RFX3: variants seen among roughly 807,000 people sequenced by gnomAD.
The protein encoded by RFX3 is regulatory factor X3.
In RFX3, 14 loss-of-function variants were observed where a neutral mutation model predicts 98.6. The ratio of observed to expected loss-of-function variants is 0.14; its 90% confidence interval spans 0.09 to 0.22. The LOEUF (loss-of-function observed/expected upper bound fraction) is 0.22. Among genes scored for constraint, RFX3 ranks in the 10% least tolerant of loss-of-function variants. The pLI, the probability that RFX3 is intolerant of heterozygous loss-of-function variation, is 1.00. For missense variants in RFX3, 639 were observed against 926.9 expected, an observed-to-expected ratio of 0.69 and a Z score of 4.03; for synonymous variants, 383 against 328.4, an observed-to-expected ratio of 1.17 and a Z score of -1.80.
At chr9:3,275,924 G>A (rs1825151026) in intron 8 of RFX3, among the ~76,000 whole-genome samples, 1 of 151,842 alleles carries the variant, frequency 6.6e-6, no homozygotes, top group Non-Finnish European at 1.5e-5. Context: ...AAAATATCTC[G>A]AGCTTGCTAG....
chr9:3,275,684 T>A, intron 8 of RFX3, 72 bp from the exon 9 acceptor site: 1 of 838,872 alleles, frequency 1.2e-6, no homozygotes, highest in Non-Finnish European at 1.9e-6. Flanking sequence ...GAGGGAAAAT[T>A]TAAGAAGACC....
At chr9:3,383,294 G>T (rs1839384846) in intron 2 of RFX3, among the ~76,000 whole-genome samples, 1 of 152,018 alleles carries the variant, frequency 6.6e-6, no homozygotes, top group Non-Finnish European at 1.5e-5. Context: ...TATCCTGGGT[G>T]CTCTTCTTTG....
chr9:3,522,018 C>T (rs888620212), intron 1 of RFX3, among the ~76,000 whole-genome samples: 2 of 151,684 alleles, frequency 1.3e-5, no homozygotes, highest in Non-Finnish European at 1.5e-5. Flanking sequence ...AATTACGAAT[C>T]TTGAGTAGTT....
intron 4 of RFX3, among the ~76,000 whole-genome samples, chr9:3,313,707 T>A (rs565316578): frequency 2.6e-5 from 4 of 152,096 alleles, no homozygotes; most frequent in African/African-American, 7.2e-5. Flanking sequence ...AACCATGGCA[T>A]GAGAACTACG....
At chr9:3,352,435 T>A (rs1054404356) in intron 2 of RFX3, among the ~76,000 whole-genome samples, 3 of 151,956 alleles carry the variant, frequency 2.0e-5, no homozygotes, top group Non-Finnish European at 4.4e-5. Context: ...GCTCTTAGAT[T>A]TTTTTAAGTG....
chr9:3,247,977 AT>A (rs1200903846), intron 15 of RFX3, 54 bp downstream of exon 15: 1 of 1,614,002 alleles, frequency 6.2e-7, no homozygotes, highest in South Asian at 1.1e-5. Context: ...CTGAAGTGTA[AT>A]TCTGGCTTAT....
chr9:3,368,146 T>C (rs1035670614), intron 2 of RFX3, among the ~76,000 whole-genome samples: 1 of 152,204 alleles, frequency 6.6e-6, no homozygotes, highest in African/African-American at 2.4e-5. Flanking sequence ...TTGCATAATA[T>C]ATTACCTTTC....
At chr9:3,360,395 C>A (rs181390101) in intron 2 of RFX3, among the ~76,000 whole-genome samples, 74 of 152,194 alleles carry the variant, frequency 4.9e-4, no homozygotes, top group African/African-American at 1.7e-3. Flanking sequence ...CTGACCATAT[C>A]AGGTTTAAAA....
intron 1 of RFX3, among the ~76,000 whole-genome samples, chr9:3,431,784 T>C (rs1481236288): frequency 6.6e-6 from 1 of 152,134 alleles, no homozygotes; most frequent in Non-Finnish European, 1.5e-5. Context: ...GCCAACCAAG[T>C]AGCAGCAGAC....
intron 1 of RFX3, among the ~76,000 whole-genome samples, chr9:3,448,607 T>C (rs923193802): frequency 1.3e-5 from 2 of 152,094 alleles, no homozygotes; most frequent in African/African-American, 4.8e-5. Context: ...CTCAAACTCC[T>C]TCCTAGTCTC....
chr9:3,226,810 T>C (rs1248794440), intron 16 of RFX3, among the ~76,000 whole-genome samples: 2 of 152,216 alleles, frequency 1.3e-5, no homozygotes, highest in Non-Finnish European at 2.9e-5. Context: ...CAACAATGTC[T>C]GTAAGGATCT....
At chr9:3,469,140 T>G (rs777718555) in intron 1 of RFX3, 4 of 455,836 alleles carry the variant, frequency 8.8e-6, no homozygotes, top group South Asian at 6.2e-5. Flanking sequence ...GGATAAATTC[T>G]GTTCATTTAT....
chr9:3,383,126 C>G (rs910911955), intron 2 of RFX3, among the ~76,000 whole-genome samples: 3 of 151,984 alleles, frequency 2.0e-5, no homozygotes, highest in Non-Finnish European at 4.4e-5. Context: ...TACCCAGATG[C>G]TAATATTTTA....
intron 1 of RFX3, among the ~76,000 whole-genome samples, chr9:3,466,499 T>C (rs1848235323): frequency 6.6e-6 from 1 of 152,150 alleles, no homozygotes; most frequent in Admixed American, 6.5e-5. Context: ...AAAAATGAAA[T>C]CTATTAGTAT....
chr9:3,243,661 T>C (rs1325423919), intron 15 of RFX3, among the ~76,000 whole-genome samples: 5 of 152,234 alleles, frequency 3.3e-5, no homozygotes, highest in African/African-American at 9.6e-5. Flanking sequence ...TTCACATTAT[T>C]GAAAAGATAC....
intron 2 of RFX3, among the ~76,000 whole-genome samples, chr9:3,392,441 A>G (rs1840411183): frequency 6.6e-6 from 1 of 151,926 alleles, no homozygotes. Flanking sequence ...ATTCCTGAAA[A>G]TTAAAAAAAA....
At chr9:3,410,161 CTGTGTGTGTGTGTGTGTGTGTGTG>C (rs555349379) in intron 1 of RFX3, among the ~76,000 whole-genome samples, 1 of 114,052 alleles carries the variant, frequency 8.8e-6, no homozygotes, top group Non-Finnish European at 1.8e-5. Flanking sequence ...GTGAGATAAA[CTGTGTGTGTGTGTGTGTGTGTGTG>C]TGTGTGTGTG....
At chr9:3,389,725 G>T (rs1445426665) in intron 2 of RFX3, among the ~76,000 whole-genome samples, 1 of 152,050 alleles carries the variant, frequency 6.6e-6, no homozygotes, top group Non-Finnish European at 1.5e-5. Context: ...CAGGCTATGT[G>T]TATAAGGTAT....
chr9:3,487,151 C>T (rs1444532525), intron 1 of RFX3, among the ~76,000 whole-genome samples: 1 of 151,966 alleles, frequency 6.6e-6, no homozygotes, highest in Non-Finnish European at 1.5e-5. Flanking sequence ...CCACCATGCC[C>T]GGCCTAGAAT....
Sources: gnomAD v4.1 joint callset for allele counts (sites outside exome capture counted in the v4.1 genomes callset) on GRCh38, gnomAD v4.1.1 for gene constraint, MANE v1.5 for transcripts, NCBI Gene and HGNC (gene_info 2026-07-23, HGNC 2026-07-21) for gene names.